The following CTBP2 variants were observed in gnomAD, a reference collection of about 807,000 sequenced individuals.
The protein encoded by CTBP2 is C-terminal-binding protein 2.
A neutral mutation model predicts 80.3 loss-of-function variants in CTBP2; 30 were observed. That is an observed-to-expected ratio of 0.37 (90% CI 0.28 to 0.51). The LOEUF is 0.51. Ranked by LOEUF, CTBP2 falls within the 20% of genes least tolerant of loss-of-function variation. The pLI, the probability that CTBP2 is intolerant of heterozygous loss-of-function variation, is 0.93. For missense variants in CTBP2, 1,212 were observed against 1,375.3 expected, an observed-to-expected ratio of 0.88 and a Z score of 1.88; for synonymous variants, 594 against 587.4, an observed-to-expected ratio of 1.01 and a Z score of -0.16.
chr10:125,142,882 G>A (rs879568272), intron 1 of CTBP2, among the ~76,000 whole-genome samples: 1 of 152,154 alleles, frequency 6.6e-6, no homozygotes, highest in Non-Finnish European at 1.5e-5. Context: ...GTTTACTCAG[G>A]GAAAATCATT....
chr10:125,020,374 C>T lies in CTBP2; in HGVS notation c.1678+5708G>A, dbSNP rs374687480. Among the ~76,000 whole-genome samples, 55 of 152,298 alleles carry T rather than the reference C, an allele frequency of 3.6e-4. No individual in the cohort carries two copies. In the South Asian group the frequency reaches 0.011, roughly 30 times the overall value. ...ACTGAAGCTATGGCCCCATGACCTG[C>T]TTCCTGGAAAGCAGAGGGTCCGCTG... is the stretch of plus-strand genomic sequence containing the variant. On this transcript the variant is annotated intron_variant, in intron 1 of 8. Coordinates refer to ENST00000309035, the MANE Select transcript of CTBP2 (RefSeq NM_022802.3).
At chr10:125,038,964 A>C in intron 3 of CTBP2, 33 bp downstream of exon 3, 1 of 1,608,256 alleles carries the variant, frequency 6.2e-7, no homozygotes, top group South Asian at 1.1e-5. Context: ...GGGACTACGT[A>C]TGTTTGGTAA....
chr10:124,993,700 G>A (rs573870747), intron 6 of CTBP2, among the ~76,000 whole-genome samples, 155 bp downstream of exon 8: 13 of 152,312 alleles, frequency 8.5e-5, no homozygotes, highest in African/African-American at 3.1e-4. Context: ...TTAGAATACA[G>A]CACAATCCTT....
Position 125,026,729 on chromosome 10 carries a change from C to A in CTBP2, c.1031G>T (p.Arg344Leu). 3 of 1,612,910 alleles carry A rather than the reference C, an allele frequency of 1.9e-6. No individual in the cohort carries two copies. Among genetic ancestry groups the A allele is most frequent in the Non-Finnish European group, 1.7e-6 (2 of 1,179,930 alleles). The change falls in exon 1 of 9, where the codon CGC becomes CTC. Residue 344 changes from arginine to leucine, a missense_variant. Arg to Leu is a moderately radical substitution (Grantham distance 102, BLOSUM62 -2). Coordinates refer to ENST00000309035, the MANE Select transcript of CTBP2 (RefSeq NM_022802.3). Reference sequence around the variant, plus strand: ...TTCGGTCCTGCAGCTATTGGCCAGGCGGCTCAGAACACGGGCCTGGCCCAG... The same window carrying A: ...TTCGGTCCTGCAGCTATTGGCCAGGAGGCTCAGAACACGGGCCTGGCCCAG...
chr10:125,091,499 GCA>G (rs1848754478), intron 2 of CTBP2, among the ~76,000 whole-genome samples: 2 of 152,222 alleles, frequency 1.3e-5, no homozygotes, highest in African/African-American at 2.4e-5. Flanking sequence ...TAGGCCAGGT[GCA>G]GTGGCTCACA....
In CTBP2 at chr10:125,050,522, G is replaced by A. The variant is rs540705636; in HGVS notation, c.-101-11367C>T. Among the ~76,000 whole-genome samples, 18 of 152,334 alleles carry A rather than the reference G, an allele frequency of 1.2e-4. No individual in the cohort carries two copies. In the East Asian group the frequency reaches 2.1e-3, roughly 18 times the overall value. On this transcript the variant is annotated intron_variant, in intron 2 of 10. Coordinates refer to the CTBP2 transcript ENST00000337195. ...CCATGACTGCACCCAAAGGGAGAGC[G>A]GGCGTCTCGCAGAGTCTGATGGGGA...
chr10:125,129,950 AC>A (rs1201531085), intron 1 of CTBP2, among the ~76,000 whole-genome samples: 1 of 151,804 alleles, frequency 6.6e-6, no homozygotes, highest in African/African-American at 2.4e-5. Context: ...TGGGAAGAAA[AC>A]CCCAGGACAA....
intron 1 of CTBP2, chr10:125,026,030 C>T (rs1957498060): frequency 6.6e-7 from 1 of 1,521,082 alleles, no homozygotes; most frequent in Non-Finnish European, 8.8e-7. Flanking sequence ...AACCCCGCAC[C>T]CCCCTGCTCC....
chr10:125,020,513 G>T (rs1251773212), intron 1 of CTBP2, among the ~76,000 whole-genome samples: 1 of 152,212 alleles, frequency 6.6e-6, no homozygotes, highest in East Asian at 1.9e-4. Context: ...ACAGAAGAGG[G>T]TCTGGTGACT....
At chr10:125,156,305 T>C (rs1253368372) in intron 1 of CTBP2, among the ~76,000 whole-genome samples, 1 of 152,230 alleles carries the variant, frequency 6.6e-6, no homozygotes, top group Admixed American at 6.5e-5. Flanking sequence ...CCAGGCTGCA[T>C]GCACATACAT....
intron 2 of CTBP2, among the ~76,000 whole-genome samples, chr10:125,063,825 C>T (rs1040007352): frequency 9.9e-5 from 15 of 152,182 alleles, no homozygotes; most frequent in African/African-American, 2.7e-4. Flanking sequence ...TATGTCACAG[C>T]GATTCTCAAA....
At chr10:125,048,487 G>C (rs1474014250) in intron 2 of CTBP2, among the ~76,000 whole-genome samples, 1 of 152,206 alleles carries the variant, frequency 6.6e-6, no homozygotes, top group African/African-American at 2.4e-5. Flanking sequence ...GTTTCTAGGA[G>C]CATGATATGC....
At chr10:125,098,678 G>C (rs540026166) in intron 2 of CTBP2, among the ~76,000 whole-genome samples, 8 of 130,936 alleles carry the variant, frequency 6.1e-5, no homozygotes, top group African/African-American at 1.6e-4. Flanking sequence ...GAGAGAGAGA[G>C]AGAGAGAGAG....
chr10:125,002,490 T>G (rs1370657590), intron 3 of CTBP2, among the ~76,000 whole-genome samples: 3 of 152,220 alleles, frequency 2.0e-5, no homozygotes, highest in Admixed American at 1.3e-4. Context: ...CTGGACCACA[T>G]GCTGCTAAGG....
chr10:125,119,548 G>C (rs977040518), intron 1 of CTBP2, among the ~76,000 whole-genome samples: 2 of 152,146 alleles, frequency 1.3e-5, no homozygotes, highest in Non-Finnish European at 2.9e-5. Flanking sequence ...CAAAGACATA[G>C]GAAAAATACT....
At chr10:125,023,287 C>T (rs1295133193) in intron 1 of CTBP2, among the ~76,000 whole-genome samples, 4 of 152,224 alleles carry the variant, frequency 2.6e-5, no homozygotes, top group African/African-American at 4.8e-5. Flanking sequence ...CTGCGTTTCT[C>T]ACATCTGAAA....
At chr10:124,996,782 G>A (rs1953656618) in intron 4 of CTBP2, 1 of 152,132 alleles carries the variant, frequency 6.6e-6, no homozygotes, top group Non-Finnish European at 1.5e-5. Context: ...CTGCATCTCC[G>A]AGCCATGAGG....
chr10:125,098,761 A>AGAGT, intron 2 of CTBP2, among the ~76,000 whole-genome samples: 1 of 130,364 alleles, frequency 7.7e-6, no homozygotes. Flanking sequence ...AGAGAGAGAG[A>AGAGT]GAGAGAGAGA....
chr10:125,035,600 TACC>T (rs985745852), intron 3 of CTBP2, among the ~76,000 whole-genome samples: 1 of 152,250 alleles, frequency 6.6e-6, no homozygotes, highest in African/African-American at 2.4e-5. Context: ...AACAAAAAGT[TACC>T]ACCAACAACA....
Sources: allele counts gnomAD v4.1 joint callset (sites outside exome capture counted in the v4.1 genomes callset), GRCh38; gene constraint gnomAD v4.1.1; transcripts MANE v1.5; gene names NCBI Gene and HGNC (gene_info 2026-07-23, HGNC 2026-07-21).